The following PXDNL variants were observed in gnomAD, a reference collection of about 807,000 sequenced individuals.
PXDNL encodes peroxidasin like.
PXDNL carries 145 observed loss-of-function variants against 150.8 expected under a neutral mutation model. That is an observed-to-expected ratio of 0.96 (90% CI 0.84 to 1.10). The LOEUF (loss-of-function observed/expected upper bound fraction) is 1.10. Among genes scored for constraint, PXDNL ranks in the 50% least tolerant of loss-of-function variants. The probability of loss-of-function intolerance (pLI) is 0.00; values close to 1 mark genes in which losing one functional copy is unlikely to be tolerated. For synonymous variants in PXDNL, 757 were observed against 725.7 expected (o/e 1.04, Z -0.69); for missense variants, 2,087 against 1,873.9 (o/e 1.11, Z -2.10).
At chr8:51,592,138 T>C (rs1813456760) in intron 3 of PXDNL, among the ~76,000 whole-genome samples, 1 of 152,222 alleles carries the variant, frequency 6.6e-6, no homozygotes, top group Non-Finnish European at 1.5e-5. Context: ...ACCATGACAA[T>C]TGTCAGTGAT....
intron 1 of PXDNL, among the ~76,000 whole-genome samples, chr8:51,720,126 G>A (rs1006411384): frequency 2.0e-5 from 3 of 150,708 alleles, no homozygotes; most frequent in African/African-American, 7.3e-5. Flanking sequence ...AGAAAATACA[G>A]TATTTTCTTT....
chr8:51,528,333 A>T (rs980121130), intron 4 of PXDNL, among the ~76,000 whole-genome samples: 1 of 152,214 alleles, frequency 6.6e-6, no homozygotes, highest in Non-Finnish European at 1.5e-5. Context: ...TATTTGCAAA[A>T]TTTAAAAATG....
At chr8:51,334,401 C>T (rs1318878042) in intron 21 of PXDNL, among the ~76,000 whole-genome samples, 1 of 151,956 alleles carries the variant, frequency 6.6e-6, no homozygotes, top group Non-Finnish European at 1.5e-5. Context: ...TAAGATCATG[C>T]CTCAAGGAAC....
chr8:51,337,023 C>A (rs2130666596), intron 21 of PXDNL, among the ~76,000 whole-genome samples: 1 of 152,186 alleles, frequency 6.6e-6, no homozygotes, highest in South Asian at 2.1e-4. Flanking sequence ...TCTGAAGATA[C>A]CCCTGTGAAA....
intron 20 of PXDNL, among the ~76,000 whole-genome samples, chr8:51,341,230 T>A (rs1014507724): frequency 2.0e-5 from 3 of 152,228 alleles, no homozygotes; most frequent in Non-Finnish European, 2.9e-5. Context: ...ATAAGAGGTA[T>A]AACCTTGTAT....
chr8:51,637,443 A>G (rs1024290270), intron 2 of PXDNL, among the ~76,000 whole-genome samples: 14 of 152,218 alleles, frequency 9.2e-5, no homozygotes, highest in Non-Finnish European at 1.9e-4. Context: ...AAAGAAGCCA[A>G]AAACCTTGAA....
chr8:51,717,415 T>C (rs1405206151), intron 1 of PXDNL, among the ~76,000 whole-genome samples: 3 of 152,222 alleles, frequency 2.0e-5, no homozygotes, highest in East Asian at 3.8e-4. Flanking sequence ...GCAAAAGAAC[T>C]GCAGAGTCTT....
At chr8:51,718,409 A>G (rs992311783) in intron 1 of PXDNL, among the ~76,000 whole-genome samples, 20 of 152,210 alleles carry the variant, frequency 1.3e-4, no homozygotes, top group African/African-American at 3.4e-4. Context: ...GTTAGGTGAA[A>G]AAAAGTAGAA....
intron 3 of PXDNL, among the ~76,000 whole-genome samples, chr8:51,585,058 A>G (rs1813294077): frequency 6.6e-6 from 1 of 152,146 alleles, no homozygotes; most frequent in South Asian, 2.1e-4. Flanking sequence ...AAAATGTGAG[A>G]AGGCCAATAT....
At chr8:51,338,404 G>A (rs1373547402) in intron 21 of PXDNL, among the ~76,000 whole-genome samples, 1 of 152,144 alleles carries the variant, frequency 6.6e-6, no homozygotes. Context: ...ATTTTAAGGG[G>A]CTTGTAGTTC....
intron 2 of PXDNL, among the ~76,000 whole-genome samples, chr8:51,652,403 TCTTA>T (rs1264517658): frequency 6.6e-6 from 1 of 150,824 alleles, no homozygotes; most frequent in Non-Finnish European, 1.5e-5. Flanking sequence ...TCTCTCTCTC[TCTTA>T]CTGTCTGTCT....
At chr8:51,394,485 C>G (rs1808016338) in intron 17 of PXDNL, among the ~76,000 whole-genome samples, 1 of 152,144 alleles carries the variant, frequency 6.6e-6, no homozygotes, top group African/African-American at 2.4e-5. Context: ...AAAGAATATC[C>G]TTCTTCAATC....
At chr8:51,569,006 T>C (rs73588729) in intron 3 of PXDNL, among the ~76,000 whole-genome samples, 10,765 of 151,988 alleles carry the variant, frequency 0.071, 982 homozygotes, top group African/African-American at 0.22. Context: ...TTGCATGTTT[T>C]CCACTTTTCC....
At chr8:51,629,910 C>A (rs956417082) in intron 2 of PXDNL, among the ~76,000 whole-genome samples, 2 of 151,998 alleles carry the variant, frequency 1.3e-5, no homozygotes, top group African/African-American at 4.8e-5. Context: ...CTACAAATGA[C>A]ATTTTTCAAA....
intron 2 of PXDNL, among the ~76,000 whole-genome samples, chr8:51,618,098 T>C (rs1814167952): frequency 6.6e-6 from 1 of 152,240 alleles, no homozygotes; most frequent in African/African-American, 2.4e-5. Flanking sequence ...AAAATGGCCT[T>C]CTGGGCCCCC....
chr8:51,639,105 G>A (rs1022672911), intron 2 of PXDNL, among the ~76,000 whole-genome samples: 3 of 152,060 alleles, frequency 2.0e-5, no homozygotes, highest in African/African-American at 4.8e-5. Flanking sequence ...ATGACTACTG[G>A]GTACATAACG....
intron 19 of PXDNL, among the ~76,000 whole-genome samples, chr8:51,357,436 A>G (rs1806545314): frequency 6.6e-6 from 1 of 152,214 alleles, no homozygotes; most frequent in African/African-American, 2.4e-5. Context: ...TGGCCCAAAG[A>G]TAAGTAATTA....
intron 8 of PXDNL, among the ~76,000 whole-genome samples, chr8:51,468,427 T>A (rs917923831): frequency 6.6e-6 from 1 of 151,980 alleles, no homozygotes; most frequent in Non-Finnish European, 1.5e-5. Context: ...ATCCTTATCT[T>A]GATCAGTATA....
chr8:51,483,729 ATAAACTT>A lies in PXDNL; in HGVS notation c.453-22_453-16del. On this transcript the variant is annotated splice_polypyrimidine_tract_variant and intron_variant, in intron 5 of 22. Coordinates refer to ENST00000356297, the MANE Select transcript of PXDNL (RefSeq NM_144651.5). Reference sequence around the variant, plus strand: ...TATGCAAAAATCTGAAAAAGAAAAGATAAACTTTAATCACCATACAATAATAATGAAT... The same window carrying A: ...TATGCAAAAATCTGAAAAAGAAAAGATAATCACCATACAATAATAATGAAT... The A allele has an allele frequency of 7.4e-7, 1 of 1,355,764 alleles. No individual in the cohort carries two copies. The highest frequency in any genetic ancestry group is 1.0e-6 in the Non-Finnish European group (1 of 974,122). The allele number at this position is 1,355,764 out of a possible 1,614,324, so 84.0% of individuals were successfully genotyped here.
Sources: allele counts gnomAD v4.1 joint callset (sites outside exome capture counted in the v4.1 genomes callset), GRCh38; gene constraint gnomAD v4.1.1; transcripts MANE v1.5; gene names NCBI Gene and HGNC (gene_info 2026-07-23, HGNC 2026-07-21).